PRKN: variants seen among roughly 807,000 people sequenced by gnomAD.
PRKN encodes parkin RBR E3 ubiquitin protein ligase.
PRKN carries 56 observed loss-of-function variants against 59.5 expected under a neutral mutation model. The ratio of observed to expected loss-of-function variants is 0.94; its 90% CI spans 0.76 to 1.18. The LOEUF is 1.18. Among genes scored for constraint, PRKN ranks in the 50% most tolerant of loss-of-function variants. The probability of loss-of-function intolerance (pLI) is 0.00; values close to 1 mark genes in which losing one functional copy is unlikely to be tolerated. For missense variants in PRKN, 657 were observed against 596.4 expected (o/e 1.10, Z -1.06); for synonymous variants, 250 against 222.1 (o/e 1.13, Z -1.12).
chr6:161,538,345 A>G lies in PRKN; in HGVS notation c.1083+10509T>C, dbSNP rs1218716546. Among the ~76,000 whole-genome samples, 1 of 152,202 alleles carries G rather than the reference A, an allele frequency of 6.6e-6. No homozygotes were observed. Among genetic ancestry groups the G allele is most frequent in the African/African-American group, 2.4e-5 (1 of 41,450 alleles). On this transcript the variant is annotated intron_variant, in intron 9 of 11. Transcript: ENST00000366898. This position sits in a 1 kb window ranked among gnomAD's most constrained non-coding sequence, Gnocchi z 4.2. ...ACTTGATATTTTTCTTCTCCTTGAA[A>G]AAAATTCTTAAATAAATTGGACTTT...
intron 4 of PRKN, among the ~76,000 whole-genome samples, chr6:162,076,357 G>C (rs1482895824): frequency 1.4e-5 from 2 of 146,468 alleles, no homozygotes; most frequent in African/African-American, 2.5e-5. Flanking sequence ...TGTTGGCAAA[G>C]ACATACATAT....
In PRKN at chr6:162,016,722, G is replaced by A. The variant is rs561961754; in HGVS notation, c.618+37369C>T. 1.1e-4 allele frequency among the ~76,000 whole-genome samples: 17 copies of A among 152,158 alleles called. 1 individual carries two copies. The South Asian group carries it at 2.7e-3, about 24-fold the overall frequency. ...TGGTGAGAGCCTGAAGGTTGTCTTC[G>A]GTCTCAAGCCCAAGCATGCCATGGA... On this transcript the variant is annotated intron_variant, in intron 5 of 11. Coordinates refer to ENST00000366898, the MANE Select transcript of PRKN (RefSeq NM_004562.3).
intron 1 of PRKN, among the ~76,000 whole-genome samples, chr6:162,512,952 C>T (rs765532871): frequency 6.6e-6 from 1 of 152,086 alleles, no homozygotes; most frequent in African/African-American, 2.4e-5. Flanking sequence ...TCTTTGCCTT[C>T]GAGGTATTTC....
chr6:162,672,358 G>C (rs936776888), intron 1 of PRKN, among the ~76,000 whole-genome samples: 1 of 151,964 alleles, frequency 6.6e-6, no homozygotes, highest in Admixed American at 6.6e-5. Flanking sequence ...TAAGCTAAGG[G>C]AGAAAACAAA....
At chr6:162,594,944 G>A (rs1781443694) in intron 1 of PRKN, among the ~76,000 whole-genome samples, 1 of 152,172 alleles carries the variant, frequency 6.6e-6, no homozygotes, top group African/African-American at 2.4e-5. Flanking sequence ...GGAGGCTGAG[G>A]TGAGTAGATC....
chr6:161,404,189 C>T (rs1318302999), intron 9 of PRKN, among the ~76,000 whole-genome samples: 2 of 152,126 alleles, frequency 1.3e-5, no homozygotes, highest in African/African-American at 4.8e-5. Context: ...ATCCATCATC[C>T]CTACTAGACT....
chr6:161,795,836 G>C (rs1238917072), intron 6 of PRKN, among the ~76,000 whole-genome samples: 4 of 152,090 alleles, frequency 2.6e-5, no homozygotes, highest in Admixed American at 2.6e-4. Flanking sequence ...AGAAACTATA[G>C]GGAAGTGGGA....
chr6:162,432,899 A>G (rs560256791), intron 2 of PRKN, among the ~76,000 whole-genome samples: 1 of 152,304 alleles, frequency 6.6e-6, no homozygotes, highest in South Asian at 2.1e-4. Flanking sequence ...TTTCACATAC[A>G]GATACATTCA....
rs1464004800 is a variant in PRKN, at chr6:161,554,281, T to C, written c.934-5278A>G. Among the ~76,000 whole-genome samples, 2 of 152,162 alleles carry C rather than the reference T, an allele frequency of 1.3e-5. No individual in the cohort carries two copies. Among genetic ancestry groups the C allele is most frequent in the African/African-American group, 4.8e-5 (2 of 41,436 alleles). ...TCTGAAAACTTCAAATATGTTTTCA[T>C]ATGCTCTACTCATTCTCCCACAAAA... On this transcript the variant is annotated intron_variant, in intron 8 of 11. Coordinates refer to ENST00000366898, the MANE Select transcript of PRKN (RefSeq NM_004562.3). The surrounding 1 kb of genome is among the most constrained non-coding windows in gnomAD (Gnocchi z 4.5).
rs764582409 is a variant in PRKN, at chr6:161,419,924, C to T, written c.1084-33047G>A. 2.0e-5 allele frequency among the ~76,000 whole-genome samples: 3 copies of T among 151,998 alleles called. No individual in the cohort carries two copies. Among genetic ancestry groups the T allele is most frequent in the Admixed American group, 6.6e-5 (1 of 15,262 alleles). On this transcript the variant is annotated intron_variant, in intron 9 of 11. Transcript: ENST00000366898. This position sits in a 1 kb window ranked among gnomAD's most constrained non-coding sequence, Gnocchi z 4.1. The stretch of plus-strand genomic sequence containing the variant: ...AGAAAGTTCCTAGCACTGCGCCTGG[C>T]ACGTAAAAGGCACTTGTTTAAGAAC...
At chr6:162,253,571 A>C (rs1779524705) in intron 3 of PRKN, among the ~76,000 whole-genome samples, 1 of 152,180 alleles carries the variant, frequency 6.6e-6, no homozygotes, top group Non-Finnish European at 1.5e-5. Flanking sequence ...CATTTTCATA[A>C]AAGGAAATCC....
At chr6:162,523,678 A>G (rs1219530152) in intron 1 of PRKN, among the ~76,000 whole-genome samples, 1 of 151,918 alleles carries the variant, frequency 6.6e-6, no homozygotes, top group Non-Finnish European at 1.5e-5. Flanking sequence ...AAAAAAGAAA[A>G]AATCCATTGG....
chr6:161,648,969 T>C (rs946036325), intron 7 of PRKN, among the ~76,000 whole-genome samples: 3 of 152,338 alleles, frequency 2.0e-5, no homozygotes, highest in Admixed American at 1.3e-4. Flanking sequence ...TAGTCACATA[T>C]ATGACTTTCT....
At position 161,645,738 on chromosome 6, in the gene PRKN, T is replaced by C. The variant is rs73595361; in HGVS notation, c.872-76322A>G. On this transcript the variant is annotated intron_variant, in intron 7 of 11. Coordinates refer to ENST00000366898, the MANE Select transcript of PRKN (RefSeq NM_004562.3). ...ACAATAAAGTGTCCATCACTTTGTA[T>C]TGCATGGACACGGGGTTTAAGAGCA... 6.7e-3 allele frequency among the ~76,000 whole-genome samples: 1,015 copies of C among 152,394 alleles called. 9 individuals carry two copies. The highest frequency in any genetic ancestry group is 0.023 in the African/African-American group (963 of 41,594).
At chr6:161,453,317 G>A (rs1789825667) in intron 9 of PRKN, among the ~76,000 whole-genome samples, 1 of 152,154 alleles carries the variant, frequency 6.6e-6, no homozygotes, top group Admixed American at 6.5e-5. Context: ...CAATGTGTGT[G>A]TGTGCATGTG....
At chr6:161,523,865 T>C (rs1778925013) in intron 9 of PRKN, among the ~76,000 whole-genome samples, 1 of 152,116 alleles carries the variant, frequency 6.6e-6, no homozygotes, top group Non-Finnish European at 1.5e-5. Context: ...TTTTTCAAAA[T>C]ACCATCTGAG....
At chr6:162,215,058 C>T (rs1777579392) in intron 3 of PRKN, among the ~76,000 whole-genome samples, 1 of 152,160 alleles carries the variant, frequency 6.6e-6, no homozygotes, top group South Asian at 2.1e-4. Flanking sequence ...AGAAATACCA[C>T]TTCCTCTAGG....
rs561413126 is a variant in PRKN at position 161,503,805 on chromosome 6, T to C, written c.1083+45049A>G. ...GTCAGATGTGAGCATTCTTTTAGAA[T>C]CCACTGTGAGGAAAAGCCTGCTTCC... is the stretch of plus-strand genomic sequence containing the variant. On this transcript the variant is annotated intron_variant, in intron 9 of 11. Transcript: ENST00000366898. The surrounding 1 kb of genome is among the most constrained non-coding windows in gnomAD (Gnocchi z 5.1). Among the ~76,000 whole-genome samples the C allele has an allele frequency of 1.3e-5, 2 of 152,314 alleles. No individual in the cohort carries two copies. The highest frequency in any genetic ancestry group is 3.9e-4 in the East Asian group (2 of 5,184).
At chr6:162,059,186 T>C (rs1777994616) in intron 4 of PRKN, among the ~76,000 whole-genome samples, 2 of 152,202 alleles carry the variant, frequency 1.3e-5, no homozygotes, top group South Asian at 2.1e-4. Flanking sequence ...TCAGGTACTA[T>C]GTTATCTGAC....
Sources: allele counts gnomAD v4.1 joint callset (sites outside exome capture counted in the v4.1 genomes callset), GRCh38; gene constraint gnomAD v4.1.1; non-coding constraint Gnocchi (gnomAD v3.1); transcripts MANE v1.5; gene names NCBI Gene and HGNC (gene_info 2026-07-23, HGNC 2026-07-21).